RTL4: variants seen among roughly 807,000 people sequenced by gnomAD.
The protein encoded by RTL4 is retrotransposon Gag like 4.
A neutral mutation model predicts 5.3 loss-of-function variants in RTL4; 4 were observed. The ratio of observed to expected loss-of-function variants is 0.75; its 90% CI spans 0.37 to 1.72. The LOEUF (loss-of-function observed/expected upper bound fraction) is 1.72. Among genes scored for constraint, RTL4 ranks in the 40% most tolerant of loss-of-function variants. RTL4 has a pLI of 0.04. For missense variants in RTL4, 260 were observed against 227.1 expected (o/e 1.14, Z -0.93); for synonymous variants, 98 against 87.3 (o/e 1.12, Z -0.68).
chrX:112,192,075 G>GTTT, the RTL4 span, among the ~76,000 whole-genome samples: 57 of 78,912 alleles, frequency 7.2e-4, no homozygotes, highest in African/African-American at 2.7e-3. Context: ...AAATACTAGG[G>GTTT]TTTTTTTTTT....
At chrX:112,152,983 T>G in the RTL4 span, among the ~76,000 whole-genome samples, 1 of 111,867 alleles carries the variant, frequency 8.9e-6, no homozygotes, top group African/African-American at 3.2e-5. Context: ...TCTAGAGTGC[T>G]TAATTTATAG....
chrX:112,310,598 AT>A, the RTL4 span, among the ~76,000 whole-genome samples: 1 of 56,764 alleles, frequency 1.8e-5, no homozygotes, highest in African/African-American at 7.9e-5. Flanking sequence ...ATTATATATT[AT>A]ATATATTTAT....
chrX:112,194,638 C>A, the RTL4 span, among the ~76,000 whole-genome samples: 10,122 of 111,658 alleles, frequency 0.091, 1,138 homozygotes, highest in African/African-American at 0.31. Flanking sequence ...TGACCTTAAC[C>A]TGAAAATGTA....
the RTL4 span, among the ~76,000 whole-genome samples, chrX:112,361,852 C>T: frequency 9.0e-6 from 1 of 111,343 alleles, no homozygotes; most frequent in South Asian, 3.7e-4. Context: ...ATACTTTACA[C>T]CACTTCATGG....
the RTL4 span, among the ~76,000 whole-genome samples, chrX:112,245,168 G>T: frequency 2.7e-5 from 3 of 110,264 alleles, no homozygotes; most frequent in Non-Finnish European, 5.7e-5. Context: ...TGACAATTAG[G>T]TGTCTTGGGG....
At chrX:112,148,236 G>C in the RTL4 span, among the ~76,000 whole-genome samples, 2 of 107,535 alleles carry the variant, frequency 1.9e-5, no homozygotes, top group Non-Finnish European at 3.8e-5. Context: ...TGTGAACTTG[G>C]GATTCCTTCA....
chrX:112,262,878 G>A, the RTL4 span, among the ~76,000 whole-genome samples: 3 of 110,510 alleles, frequency 2.7e-5, no homozygotes, highest in Non-Finnish European at 5.7e-5. Context: ...AAAAGGATGA[G>A]TTCATGTCCT....
At chrX:112,151,613 C>T in the RTL4 span, among the ~76,000 whole-genome samples, 2 of 111,950 alleles carry the variant, frequency 1.8e-5, no homozygotes, top group South Asian at 7.5e-4. Context: ...TCACTATTTC[C>T]ATTCATTAGT....
chrX:112,288,252 G>A, the RTL4 span, among the ~76,000 whole-genome samples: 11 of 112,325 alleles, frequency 9.8e-5, no homozygotes, highest in South Asian at 3.7e-4. Context: ...ATAGTTCAGC[G>A]TAAGAAATTG....
At chrX:112,212,012 C>T in the RTL4 span, among the ~76,000 whole-genome samples, 6 of 112,252 alleles carry the variant, frequency 5.3e-5, no homozygotes, top group South Asian at 2.3e-3. Context: ...CCTTTCTTAT[C>T]CTAAAATTAT....
At chrX:112,201,856 A>G in the RTL4 span, among the ~76,000 whole-genome samples, 1 of 112,064 alleles carries the variant, frequency 8.9e-6, no homozygotes, top group Non-Finnish European at 1.9e-5. Flanking sequence ...AGTTTCCCCA[A>G]TAATGACATC....
At chrX:112,236,413 C>A in the RTL4 span, among the ~76,000 whole-genome samples, 7 of 55,904 alleles carry the variant, frequency 1.3e-4, no homozygotes, top group East Asian at 9.9e-4. Context: ...AGATATAGAT[C>A]TATATCTATA....
the RTL4 span, among the ~76,000 whole-genome samples, chrX:112,395,232 A>T: frequency 9.0e-6 from 1 of 111,670 alleles, no homozygotes; most frequent in Non-Finnish European, 1.9e-5. Flanking sequence ...GCTATGAAAA[A>T]TAGGGTTTAA....
At chrX:112,284,593 G>T in the RTL4 span, among the ~76,000 whole-genome samples, 1 of 111,194 alleles carries the variant, frequency 9.0e-6, no homozygotes, top group Admixed American at 9.6e-5. Context: ...ACCATTCTAT[G>T]GCCTTTGGTA....
At chrX:112,112,770 C>T in the RTL4 span, among the ~76,000 whole-genome samples, 1 of 111,753 alleles carries the variant, frequency 8.9e-6, no homozygotes, top group South Asian at 3.8e-4. Flanking sequence ...AGGGCTATCC[C>T]TAAACCCTTG....
chrX:112,278,789 G>A, the RTL4 span, among the ~76,000 whole-genome samples: 3 of 110,381 alleles, frequency 2.7e-5, no homozygotes, highest in Non-Finnish European at 5.7e-5. Flanking sequence ...AATGTGGAGG[G>A]AACAGAGGCT....
At chrX:112,359,111 A>AAT in the RTL4 span, among the ~76,000 whole-genome samples, 1 of 111,459 alleles carries the variant, frequency 9.0e-6, no homozygotes, top group Non-Finnish European at 1.9e-5. Context: ...CTTTTAATTA[A>AAT]ATATGTTTTT....
the RTL4 span, among the ~76,000 whole-genome samples, chrX:112,343,026 G>A: frequency 9.0e-6 from 1 of 111,541 alleles, no homozygotes; most frequent in Non-Finnish European, 1.9e-5. Context: ...GCTTGAACCC[G>A]AGAGGTGGAG....
chrX:112,361,260 C>CAT, the RTL4 span, among the ~76,000 whole-genome samples: 314 of 111,060 alleles, frequency 2.8e-3, 1 homozygote, highest in Non-Finnish European at 4.8e-3. Flanking sequence ...CAAACATACA[C>CAT]ATATATATAT....
Sources: gnomAD v4.1 joint callset for allele counts (sites outside exome capture counted in the v4.1 genomes callset) on GRCh38, gnomAD v4.1.1 for gene constraint, MANE v1.5 for transcripts, NCBI Gene and HGNC (gene_info 2026-07-23, HGNC 2026-07-21) for gene names.